DDC: variants seen among roughly 807,000 people sequenced by gnomAD.
DDC encodes the protein aromatic-L-amino-acid decarboxylase.
In DDC, 43 loss-of-function variants were observed where a neutral mutation model predicts 60.0. The ratio of observed to expected loss-of-function variants is 0.72; its 90% CI spans 0.56 to 0.92. The LOEUF (loss-of-function observed/expected upper bound fraction) is 0.92, where lower values mean the gene tolerates loss of function less well. DDC is among the 40% of genes least tolerant of loss of function. The pLI, the probability that DDC is intolerant of heterozygous loss-of-function variation, is 0.00. For synonymous variants in DDC, 232 were observed against 234.6 expected (o/e 0.99, Z 0.10); for missense variants, 573 against 620.2 (o/e 0.92, Z 0.81).
intron 6 of DDC, among the ~76,000 whole-genome samples, chr7:50,520,892 T>C (rs895334254): frequency 6.0e-5 from 9 of 149,244 alleles, no homozygotes; most frequent in Non-Finnish European, 1.0e-4. Flanking sequence ...AGTAAGACTC[T>C]GTCTCAGAAA....
chr7:50,484,650 C>CATGG (rs2042842819), intron 9 of DDC, among the ~76,000 whole-genome samples: 1 of 152,100 alleles, frequency 6.6e-6, no homozygotes, highest in East Asian at 1.9e-4. Flanking sequence ...TGAGGACATA[C>CATGG]ATGGGCACAC....
At chr7:50,490,044 C>T (rs2153537993) in intron 9 of DDC, among the ~76,000 whole-genome samples, 1 of 152,282 alleles carries the variant, frequency 6.6e-6, no homozygotes, top group South Asian at 2.1e-4. Context: ...TGAGTTATCG[C>T]TTTGGCTAAA....
chr7:50,463,217 A>C lies in DDC; in HGVS notation c.*14T>G. On this transcript the variant is annotated 3_prime_UTR_variant, in exon 14 of 15. Transcript: ENST00000444124. The stretch of plus-strand genomic sequence containing the variant: ...AATGAGCCCAGGGCAGCCTACCTGC[A>C]GCTGGCTTCACTCCTACTCCCTCTC... 6.2e-7 allele frequency: 1 copy of C among 1,601,256 alleles called. No homozygotes were observed. Among genetic ancestry groups the C allele is most frequent in the Middle Eastern group, 1.9e-4 (1 of 5,308 alleles).
chr7:50,462,226 C>CAAAAAAAAAAAAAAAAAAAAAAA (rs11410259), intron 14 of DDC, among the ~76,000 whole-genome samples: 4 of 75,362 alleles, frequency 5.3e-5, no homozygotes, highest in African/African-American at 1.1e-4. Context: ...GACAAAAAGA[C>CAAAAAAAAAAAAAAAAAAAAAAA]AAAAAAAAAA....
intron 6 of DDC, among the ~76,000 whole-genome samples, chr7:50,514,525 A>G (rs2043674953): frequency 6.6e-6 from 1 of 152,244 alleles, no homozygotes; most frequent in South Asian, 2.1e-4. Flanking sequence ...TTAGTTATTA[A>G]GCTAATCGGG....
Position 50,495,410 on chromosome 7 carries a change from T to C in DDC, c.884A>G (p.Asp295Gly), listed in dbSNP as rs914115218. 5.0e-6 allele frequency: 8 copies of C among 1,610,884 alleles called. No individual in the cohort carries two copies. Among genetic ancestry groups the C allele is most frequent in the Non-Finnish European group, 6.8e-6 (8 of 1,177,762 alleles). Residue 295 changes from aspartate to glycine, a missense_variant, in exon 9 of 15, where the codon GAT becomes GGT. Coordinates refer to ENST00000444124, the MANE Select transcript of DDC (RefSeq NM_001082971.2). ...TTTGTGGGGATTAAAGTTGAATGAA[T>C]CTGCAAACTGCCAAAGAACAAGAGT... Reference protein sequence around the residue: ...RHLLNGVEFADSFNFNPHKWL... With the variant: ...RHLLNGVEFAGSFNFNPHKWL...
chr7:50,469,925 G>A, intron 12 of DDC, 148 bp downstream of exon 12: 1 of 648,914 alleles, frequency 1.5e-6, no homozygotes, highest in South Asian at 1.8e-5. Context: ...GTTGCAGTGA[G>A]CTGAGATTGT....
chr7:50,531,592 G>A (rs765268325), intron 4 of DDC, among the ~76,000 whole-genome samples: 55 of 151,922 alleles, frequency 3.6e-4, no homozygotes, highest in Non-Finnish European at 3.5e-4. Context: ...GGGGATGGGG[G>A]AGCTTAGTTC....
chr7:50,545,253 G>A (rs561019077), intron 1 of DDC, among the ~76,000 whole-genome samples: 3 of 152,328 alleles, frequency 2.0e-5, no homozygotes, highest in African/African-American at 4.8e-5. Flanking sequence ...ACGTCCCTGA[G>A]TGGTCTCAAA....
At chr7:50,545,430 A>T (rs1023261507) in intron 1 of DDC, among the ~76,000 whole-genome samples, 1 of 152,180 alleles carries the variant, frequency 6.6e-6, no homozygotes, top group Non-Finnish European at 1.5e-5. Context: ...ACAACCCAAA[A>T]TTCTGGCACA....
chr7:50,495,763 A>T (rs1434024371), intron 8 of DDC, among the ~76,000 whole-genome samples: 3 of 152,288 alleles, frequency 2.0e-5, no homozygotes, highest in Non-Finnish European at 4.4e-5. Flanking sequence ...TTTCAAATTT[A>T]CATAATCTAA....
intron 6 of DDC, among the ~76,000 whole-genome samples, chr7:50,509,184 C>T (rs909165686): frequency 1.3e-5 from 2 of 151,890 alleles, no homozygotes; most frequent in Non-Finnish European, 1.5e-5. Flanking sequence ...TGGTACGGTG[C>T]CGGTGCATGG....
At chr7:50,555,895 C>T (rs1398359212) in intron 1 of DDC, among the ~76,000 whole-genome samples, 1 of 152,190 alleles carries the variant, frequency 6.6e-6, no homozygotes, top group Non-Finnish European at 1.5e-5. Flanking sequence ...TGGACTCAAA[C>T]ACAGGTACAG....
chr7:50,549,485 T>C (rs904864896), intron 1 of DDC, among the ~76,000 whole-genome samples: 5 of 151,858 alleles, frequency 3.3e-5, no homozygotes, highest in Admixed American at 6.6e-5. Context: ...ACCCCATCTG[T>C]ACTAAAAATA....
intron 1 of DDC, among the ~76,000 whole-genome samples, chr7:50,547,673 G>A (rs1450724281): frequency 1.3e-5 from 2 of 152,024 alleles, no homozygotes; most frequent in African/African-American, 2.4e-5. Context: ...CCAACACTCC[G>A]AGACCGAGAG....
intron 7 of DDC, among the ~76,000 whole-genome samples, chr7:50,501,916 A>G (rs1356110168): frequency 6.6e-6 from 1 of 152,082 alleles, no homozygotes; most frequent in Non-Finnish European, 1.5e-5. Flanking sequence ...TCTAATAAAA[A>G]TACAAAAATT....
Position 50,544,070 on chromosome 7 carries a change from A to G in DDC, c.16T>C (p.Phe6Leu). 1 of 1,614,116 alleles carries G rather than the reference A, an allele frequency of 6.2e-7. No individual in the cohort carries two copies. Among genetic ancestry groups the G allele is most frequent in the South Asian group, 1.1e-5 (1 of 91,074 alleles). ...ACCATCTCCTTCCCTCTCCTTCGGA[A>G]TTCACTTGCGTTCATGGTGTCTGGG... MNASE[F>L]RRRGKEMVDY... Residue 6 changes from phenylalanine (F) to leucine (L), a missense_variant, in exon 2 of 15, where the codon TTC (phenylalanine) becomes CTC (leucine). Phe to Leu is a conservative substitution (Grantham distance 22, BLOSUM62 0). Transcript: ENST00000444124.
intron 6 of DDC, among the ~76,000 whole-genome samples, chr7:50,515,623 C>T (rs1298791809): frequency 6.6e-6 from 1 of 152,168 alleles, no homozygotes; most frequent in Non-Finnish European, 1.5e-5. Context: ...AAATGCTCCA[C>T]CTAAAAGATA....
At chr7:50,487,672 T>C (rs929567235) in intron 9 of DDC, among the ~76,000 whole-genome samples, 10 of 152,110 alleles carry the variant, frequency 6.6e-5, no homozygotes, top group African/African-American at 2.2e-4. Flanking sequence ...AGGTACCAAA[T>C]TGGCTTAAAA....
Sources: gnomAD v4.1 joint callset for allele counts (sites outside exome capture counted in the v4.1 genomes callset) on GRCh38, gnomAD v4.1.1 for gene constraint, MANE v1.5 for transcripts, NCBI Gene and HGNC (gene_info 2026-07-23, HGNC 2026-07-21) for gene names.